Variants in ERC1 observed in about 807,000 individuals in gnomAD.
ERC1 encodes the protein ELKS/RAB6-interacting/CAST family member 1.
Under a neutral mutation model 132.0 loss-of-function variants are expected in ERC1, and 56 were observed. The ratio of observed to expected loss-of-function variants is 0.42; its 90% CI spans 0.34 to 0.53. The LOEUF is 0.53. Among genes scored for constraint, ERC1 ranks in the 20% least tolerant of loss-of-function variants. The pLI is 0.03. For synonymous variants in ERC1, 478 were observed against 476.1 expected, an observed-to-expected ratio of 1.00 and a Z score of -0.05; for missense variants, 1,202 against 1,349.9, an observed-to-expected ratio of 0.89 and a Z score of 1.72.
intron 17 of ERC1, among the ~76,000 whole-genome samples, chr12:1,421,079 A>G (rs866902587): frequency 3.3e-5 from 5 of 152,202 alleles, no homozygotes; most frequent in South Asian, 4.1e-4. Flanking sequence ...AGTAATTAGC[A>G]TATCTGTCAC....
chr12:1,268,715 G>A (rs2077627426), intron 14 of ERC1, among the ~76,000 whole-genome samples: 1 of 152,140 alleles, frequency 6.6e-6, no homozygotes, highest in African/African-American at 2.4e-5. Context: ...GCAGTGAGCT[G>A]AGATCGTGCC....
chr12:1,301,520 A>T (rs1594865070), intron 15 of ERC1, among the ~76,000 whole-genome samples: 1 of 152,142 alleles, frequency 6.6e-6, no homozygotes, highest in Admixed American at 6.5e-5. Context: ...TTATAGGAAC[A>T]TGGATGGAGC....
At chr12:1,311,814 T>C (rs1003292366) in intron 15 of ERC1, among the ~76,000 whole-genome samples, 1 of 152,228 alleles carries the variant, frequency 6.6e-6, no homozygotes, top group African/African-American at 2.4e-5. Flanking sequence ...TTTGTCTTTT[T>C]TTCTATGGAG....
intron 15 of ERC1, among the ~76,000 whole-genome samples, chr12:1,291,775 A>G (rs745415439): frequency 1.2e-4 from 18 of 152,216 alleles, no homozygotes; most frequent in Non-Finnish European, 2.5e-4. Flanking sequence ...TGTTACAGAT[A>G]AATGGTGACC....
chr12:1,300,003 G>C (rs181654067), intron 15 of ERC1, among the ~76,000 whole-genome samples: 21 of 152,196 alleles, frequency 1.4e-4, no homozygotes, highest in African/African-American at 5.1e-4. Context: ...AGCCCAAATA[G>C]CCAAGGAAAT....
intron 8 of ERC1, among the ~76,000 whole-genome samples, chr12:1,167,655 T>C (rs1054464239): frequency 2.6e-5 from 4 of 152,120 alleles, no homozygotes; most frequent in Non-Finnish European, 4.4e-5. Flanking sequence ...AGAAAAATCA[T>C]GTAATTTTAC....
chr12:1,160,125 G>A (rs1951754790), intron 8 of ERC1, among the ~76,000 whole-genome samples: 1 of 152,182 alleles, frequency 6.6e-6, no homozygotes, highest in East Asian at 1.9e-4. Flanking sequence ...AAATCGTTTA[G>A]ACTAACAAAT....
At chr12:1,365,400 A>C (rs2086566407) in intron 15 of ERC1, among the ~76,000 whole-genome samples, 2 of 152,204 alleles carry the variant, frequency 1.3e-5, no homozygotes, top group Non-Finnish European at 2.9e-5. Flanking sequence ...CAGCGGGGGA[A>C]CCACCACAAC....
intron 11 of ERC1, among the ~76,000 whole-genome samples, chr12:1,187,878 G>A (rs1240759360): frequency 6.6e-6 from 1 of 151,978 alleles, no homozygotes; most frequent in Non-Finnish European, 1.5e-5. Context: ...GGTAATTGTA[G>A]TAAATCACAT....
intron 1 of ERC1, among the ~76,000 whole-genome samples, chr12:995,095 CA>C (rs1413419953): frequency 2.5e-3 from 299 of 121,658 alleles, no homozygotes; most frequent in Middle Eastern, 4.4e-3. Flanking sequence ...GACTCTGTCT[CA>C]AAAAAAAAAA....
chr12:1,440,496 G>A (rs149340039), intron 17 of ERC1, among the ~76,000 whole-genome samples: 30,785 of 140,154 alleles, frequency 0.22, 5,679 homozygotes, highest in African/African-American at 0.51. Context: ...GTGAGCCACC[G>A]CGCCCGGCCT....
intron 2 of ERC1, among the ~76,000 whole-genome samples, chr12:1,073,075 G>A (rs531007875): frequency 2.1e-4 from 32 of 152,280 alleles, no homozygotes; most frequent in African/African-American, 7.0e-4. Context: ...GCTGAAGCGG[G>A]TAGATCATGA....
intron 1 of ERC1, among the ~76,000 whole-genome samples, chr12:1,002,340 AT>A (rs569633435): frequency 0.033 from 4,294 of 131,400 alleles, 107 homozygotes; most frequent in South Asian, 0.11. Context: ...TGCTTGGCTA[AT>A]TTTTTTTTTT....
chr12:1,324,534 G>T (rs1006196971), intron 15 of ERC1, among the ~76,000 whole-genome samples: 1 of 152,168 alleles, frequency 6.6e-6, no homozygotes, highest in Non-Finnish European at 1.5e-5. Flanking sequence ...CTCAGAGACG[G>T]TCACTGGGGT....
intron 15 of ERC1, among the ~76,000 whole-genome samples, chr12:1,341,069 CTT>C (rs35902573): frequency 4.8e-5 from 3 of 63,152 alleles, no homozygotes; most frequent in African/African-American, 1.3e-4. Flanking sequence ...TTTTCTTTTT[CTT>C]TTTTTTTTTT....
At chr12:1,466,038 T>C (rs775166846) in intron 18 of ERC1, among the ~76,000 whole-genome samples, 16 of 152,174 alleles carry the variant, frequency 1.1e-4, no homozygotes, top group Non-Finnish European at 1.8e-4. Context: ...TAAACTGATA[T>C]GAAATGGTGG....
intron 8 of ERC1, chr12:1,152,840 A>T (rs1281968273): frequency 6.5e-6 from 1 of 153,426 alleles, no homozygotes; most frequent in East Asian, 1.9e-4. Context: ...AGCCAGTGAG[A>T]TAGTTGGCTG....
At chr12:1,161,638 A>G (rs935725225) in intron 8 of ERC1, among the ~76,000 whole-genome samples, 4 of 152,202 alleles carry the variant, frequency 2.6e-5, no homozygotes, top group South Asian at 2.1e-4. Context: ...AAGATTTTCA[A>G]TCAAAAACTG....
chr12:1,388,427 G>C (rs2089624196), intron 16 of ERC1, among the ~76,000 whole-genome samples: 1 of 151,890 alleles, frequency 6.6e-6, no homozygotes. Context: ...TTGTGGCCAG[G>C]GTTGCTGAAG....
Sources: gnomAD v4.1 joint callset for allele counts (sites outside exome capture counted in the v4.1 genomes callset) on GRCh38, gnomAD v4.1.1 for gene constraint, MANE v1.5 for transcripts, NCBI Gene and HGNC (gene_info 2026-07-23, HGNC 2026-07-21) for gene names.